Variants in SV2C observed in about 807,000 individuals in gnomAD.
SV2C encodes solute carrier family 22 member B3.
A neutral mutation model predicts 79.7 loss-of-function variants in SV2C; 49 were observed. The observed-to-expected ratio is 0.61, with a 90% CI of 0.49 to 0.78. The LOEUF (loss-of-function observed/expected upper bound fraction) is 0.78, where lower values mean the gene tolerates loss of function less well. SV2C is among the 30% of genes least tolerant of loss of function. The probability of loss-of-function intolerance (pLI) is 0.00; values close to 1 mark genes in which losing one functional copy is unlikely to be tolerated. For missense variants in SV2C, 833 were observed against 912.9 expected, an observed-to-expected ratio of 0.91 and a Z score of 1.13; for synonymous variants, 334 against 333.2, an observed-to-expected ratio of 1.00 and a Z score of -0.03.
At chr5:75,978,461 C>T in the SV2C span, among the ~76,000 whole-genome samples, 1 of 152,124 alleles carries the variant, frequency 6.6e-6, no homozygotes, top group Non-Finnish European at 1.5e-5. Context: ...TATTATATTC[C>T]ATCAATTCTA....
intron 2 of SV2C, among the ~76,000 whole-genome samples, chr5:76,178,386 T>A (rs1304527127): frequency 6.6e-6 from 1 of 152,202 alleles, no homozygotes; most frequent in Non-Finnish European, 1.5e-5. Context: ...GTAAATTTCT[T>A]TTCTTTTTCA....
chr5:76,278,953 G>A (rs887382829), intron 4 of SV2C, among the ~76,000 whole-genome samples: 1 of 152,174 alleles, frequency 6.6e-6, no homozygotes, highest in Non-Finnish European at 1.5e-5. Context: ...GAAGGTCCAC[G>A]TCGGCCAGAA....
chr5:76,077,301 T>G, the SV2C span, among the ~76,000 whole-genome samples: 2 of 152,070 alleles, frequency 1.3e-5, no homozygotes, highest in African/African-American at 4.8e-5. Context: ...ATCCAGACTG[T>G]GGAGAGCTCT....
Position 76,331,474 on chromosome 5 carries a change from C to T in SV2C, c.*5927C>T, listed in dbSNP as rs1339688462. The T allele has an allele frequency of 6.6e-6, 1 of 152,250 alleles. No individual in the cohort carries two copies. The highest frequency in any genetic ancestry group is 2.4e-5 in the African/African-American group (1 of 41,440). The allele number at this position is 152,250 out of a possible 1,614,324, so 9.4% of individuals were successfully genotyped here. ...GGGTATTTTGGGTTTCAGTTTAAAA[C>T]TGGTGCGTGTTGTTGCAAGTGTCTT... On this transcript the variant is annotated 3_prime_UTR_variant, in exon 13 of 13. Transcript: ENST00000502798.
chr5:76,084,874 G>T (rs1238756504), intron 1 of SV2C, among the ~76,000 whole-genome samples: 2 of 151,930 alleles, frequency 1.3e-5, no homozygotes, highest in African/African-American at 2.4e-5. Flanking sequence ...AGCCCCGCAC[G>T]GCCTGGGCTG....
chr5:76,242,202 GT>G, intron 4 of SV2C: 1 of 989,008 alleles, frequency 1.0e-6, no homozygotes. Flanking sequence ...GGAGGAGCAG[GT>G]TTAGCAGACA....
At chr5:75,967,059 C>T in the SV2C span, among the ~76,000 whole-genome samples, 1 of 152,114 alleles carries the variant, frequency 6.6e-6, no homozygotes, top group African/African-American at 2.4e-5. Context: ...TCGGGCCAGG[C>T]ACAATTGCTC....
the SV2C span, among the ~76,000 whole-genome samples, chr5:75,990,102 T>C: frequency 0.01 from 1,582 of 152,046 alleles, 26 homozygotes; most frequent in African/African-American, 0.036. Flanking sequence ...TTGTCCAGTT[T>C]ACTATGATGA....
chr5:75,964,315 CACA>C, the SV2C span, among the ~76,000 whole-genome samples: 155 of 152,276 alleles, frequency 1.0e-3, 2 homozygotes, highest in Non-Finnish European at 1.7e-3. Context: ...AGGAGTTTGT[CACA>C]ACAAGAGGCT....
At chr5:75,989,133 C>CT in the SV2C span, among the ~76,000 whole-genome samples, 1 of 151,746 alleles carries the variant, frequency 6.6e-6, no homozygotes, top group Non-Finnish European at 1.5e-5. Context: ...AATAAACCAC[C>CT]TTTTTTTCTT....
chr5:76,298,691 C>T, intron 9 of SV2C, 103 bp from the exon 10 acceptor site: 1 of 1,303,056 alleles, frequency 7.7e-7, no homozygotes, highest in Non-Finnish European at 1.1e-6. Context: ...ATAATTAAGA[C>T]AGTCCATAGT....
intron 2 of SV2C, among the ~76,000 whole-genome samples, chr5:76,164,071 AT>A (rs1302027838): frequency 2.2e-4 from 33 of 152,128 alleles, no homozygotes; most frequent in African/African-American, 8.0e-4. Flanking sequence ...TCACCCATCT[AT>A]GCTCTTCTTT....
At chr5:76,319,176 C>T (rs1748734908) in intron 12 of SV2C, among the ~76,000 whole-genome samples, 3 of 151,718 alleles carry the variant, frequency 2.0e-5, no homozygotes, top group African/African-American at 4.8e-5. Context: ...TTTGGGAGGC[C>T]GAAGCAGGCA....
At chr5:76,293,371 C>T (rs149071989) in intron 8 of SV2C, among the ~76,000 whole-genome samples, 1 of 152,142 alleles carries the variant, frequency 6.6e-6, no homozygotes, top group Non-Finnish European at 1.5e-5. Flanking sequence ...ATTTTGTTTA[C>T]TAATTCATTA....
intron 1 of SV2C, among the ~76,000 whole-genome samples, chr5:76,130,175 AAAAAAG>A (rs70979369): frequency 0.021 from 2,650 of 127,208 alleles, 76 homozygotes; most frequent in Non-Finnish European, 0.033. Context: ...AAAAAAAAAA[AAAAAAG>A]AGCTGGGGGA....
intron 4 of SV2C, among the ~76,000 whole-genome samples, chr5:76,224,493 C>T (rs1437794849): frequency 6.6e-6 from 1 of 152,120 alleles, no homozygotes; most frequent in African/African-American, 2.4e-5. Flanking sequence ...AGTAACTCAC[C>T]GCTGTGTTTC....
intron 1 of SV2C, among the ~76,000 whole-genome samples, chr5:76,097,392 G>A (rs183767): frequency 0.59 from 89,069 of 151,974 alleles, 28,172 homozygotes; most frequent in African/African-American, 0.83. Flanking sequence ...ATATCACATT[G>A]CCACTGGTGA....
chr5:76,070,565 C>T, the SV2C span, among the ~76,000 whole-genome samples: 1 of 152,176 alleles, frequency 6.6e-6, no homozygotes, highest in African/African-American at 2.4e-5. Flanking sequence ...TGCTCATTCC[C>T]ACTTATCTTT....
the SV2C span, among the ~76,000 whole-genome samples, chr5:75,919,656 C>G: frequency 1.3e-5 from 2 of 152,310 alleles, no homozygotes; most frequent in Admixed American, 1.3e-4. Context: ...TCAAAAGAAC[C>G]TACCTTAAAC....
Sources: allele counts gnomAD v4.1 joint callset (sites outside exome capture counted in the v4.1 genomes callset), GRCh38; gene constraint gnomAD v4.1.1; transcripts MANE v1.5; gene names NCBI Gene and HGNC (gene_info 2026-07-23, HGNC 2026-07-21).